ADD2: variants seen among roughly 807,000 people sequenced by gnomAD.
ADD2 encodes the protein adducin 2, also known as beta-adducin.
ADD2 carries 23 observed loss-of-function variants against 83.0 expected under a neutral mutation model. That is an observed-to-expected ratio of 0.28 (90% confidence interval 0.20 to 0.39). The LOEUF is 0.39. Ranked by LOEUF, ADD2 falls within the 10% of genes least tolerant of loss-of-function variation. The pLI, the probability that ADD2 is intolerant of heterozygous loss-of-function variation, is 1.00. For synonymous variants in ADD2, 375 were observed against 375.4 expected, an observed-to-expected ratio of 1.00 and a Z score of 0.01; for missense variants, 758 against 944.9, an observed-to-expected ratio of 0.80 and a Z score of 2.59.
At chr2:70,716,675 G>A (rs7571549) in intron 1 of ADD2, among the ~76,000 whole-genome samples, 60,667 of 151,768 alleles carry the variant, frequency 0.4, 14,129 homozygotes, top group African/African-American at 0.63. Flanking sequence ...CCAGCTTAAT[G>A]AAGCAGCCCT....
chr2:70,727,935 A>AT (rs1553378599), intron 1 of ADD2, among the ~76,000 whole-genome samples: 1 of 149,034 alleles, frequency 6.7e-6, no homozygotes, highest in Non-Finnish European at 1.5e-5. Context: ...AAATAAATAA[A>AT]ATGCAGAATT....
chr2:70,691,233 C>G (rs76211845), intron 7 of ADD2, among the ~76,000 whole-genome samples: 1 of 152,198 alleles, frequency 6.6e-6, no homozygotes. Context: ...CCACTCCCCC[C>G]ACCTCACACA....
chr2:70,728,341 A>G (rs148718402), intron 1 of ADD2, among the ~76,000 whole-genome samples: 269 of 152,314 alleles, frequency 1.8e-3, no homozygotes, highest in Middle Eastern at 0.017. Flanking sequence ...GGCCCTTAGC[A>G]TATACCCAAC....
chr2:70,688,652 G>T (rs538712872), intron 8 of ADD2, among the ~76,000 whole-genome samples: 106 of 152,288 alleles, frequency 7.0e-4, no homozygotes, highest in African/African-American at 2.5e-3. Flanking sequence ...ACAGAAACAG[G>T]TGAGTCACGT....
At chr2:70,695,596 G>T in intron 6 of ADD2, 125 bp downstream of exon 6, 1 of 812,620 alleles carries the variant, frequency 1.2e-6, no homozygotes, top group Non-Finnish European at 2.0e-6. Flanking sequence ...TGTCTTCTCT[G>T]CCCTATCAGA....
intron 15 of ADD2, 88 bp downstream of exon 15, chr2:70,672,789 TA>T (rs1553367332): frequency 5.6e-6 from 8 of 1,426,286 alleles, no homozygotes; most frequent in Non-Finnish European, 6.6e-6. Context: ...ATTTTCAGAT[TA>T]GGGGCAACAC....
chr2:70,696,207 A>T (rs782759082), intron 5 of ADD2, 38 bp downstream of exon 5: 2 of 1,596,918 alleles, frequency 1.3e-6, no homozygotes, highest in Non-Finnish European at 1.7e-6. Flanking sequence ...GTGGGACCAC[A>T]TGCAGTGCCC....
At chr2:70,716,489 C>A (rs1252256701) in intron 1 of ADD2, among the ~76,000 whole-genome samples, 1 of 152,190 alleles carries the variant, frequency 6.6e-6, no homozygotes, top group Non-Finnish European at 1.5e-5. Flanking sequence ...GCTTTCACAT[C>A]ACTTTTACTT....
At position 70,742,165 on chromosome 2, in the gene ADD2, C is replaced by T. The variant is rs187008629; in HGVS notation, c.-154+25721G>A. Among the ~76,000 whole-genome samples the T allele has an allele frequency of 2.4e-4, 37 of 152,270 alleles. 1 individual carries two copies. The highest frequency in any genetic ancestry group is 1.8e-3 in the Admixed American group (28 of 15,302). ...ATACCTTGTGCTAATTCTTCTTTTC[C>T]TTGACGTCAGAATAAAGCTTCCCTG... On this transcript the variant is annotated intron_variant, in intron 1 of 15. Transcript: ENST00000264436.
rs569485230 is a variant in ADD2 at position 70,676,445 on chromosome 2, C to A, written c.1593+351G>T. 1 of 1,240,952 alleles carries A rather than the reference C, an allele frequency of 8.1e-7. No homozygotes were observed. The highest frequency in any genetic ancestry group is 1.5e-5 in the African/African-American group (1 of 66,168). 76.9% of individuals were successfully genotyped at this position (1,240,952 alleles called of 1,614,324 possible). A position where few individuals can be genotyped will look rare whatever the true frequency, so the allele number is the denominator to read the frequency against. On this transcript the variant is annotated intron_variant, in intron 13 of 15. Coordinates refer to ENST00000264436, the MANE Select transcript of ADD2 (RefSeq NM_001617.4). The surrounding 1 kb of genome is among the most constrained non-coding windows in gnomAD (Gnocchi z 4.8). ...CTCAGGGCTGGGCACACCTGGGGCA[C>A]CTGGGAGTCTCCAGCCCCAAGCCTA...
chr2:70,751,664 T>G (rs1674510905), intron 1 of ADD2, among the ~76,000 whole-genome samples: 1 of 152,254 alleles, frequency 6.6e-6, no homozygotes, highest in East Asian at 1.9e-4. Context: ...GTTGCTTAAC[T>G]GCTCTTCTCC....
intron 15 of ADD2, 49 bp downstream of exon 15, chr2:70,672,829 T>G: frequency 6.4e-7 from 1 of 1,561,722 alleles, no homozygotes; most frequent in South Asian, 1.2e-5. Flanking sequence ...CTTCCCAGCC[T>G]GCAGATGCAC....
intron 13 of ADD2, 92 bp from the exon 14 acceptor site, chr2:70,674,917 C>T (rs573361178): frequency 2.3e-5 from 35 of 1,520,222 alleles, no homozygotes; most frequent in African/African-American, 8.3e-5. Context: ...TGGCTGCAAG[C>T]GGTCTTGCTA....
rs782199298 is a variant in ADD2, at chr2:70,706,219, C to G, written c.183+7G>C. 1.2e-6 allele frequency: 2 copies of G among 1,613,160 alleles called. No homozygotes were observed. Among genetic ancestry groups the G allele is most frequent in the East Asian group, 4.5e-5 (2 of 44,862 alleles). ...CGCCCTCTCCCGCCCGGGTCAGCCC[C>G]ACTCACGGGACTCTGCAGGATCATG... On this transcript the variant is annotated splice_region_variant and intron_variant, in intron 3 of 15. Transcript: ENST00000264436. The surrounding 1 kb of genome is among the most constrained non-coding windows in gnomAD (Gnocchi z 5.0).
At chr2:70,689,341 C>G (rs1490857039) in intron 8 of ADD2, among the ~76,000 whole-genome samples, 1 of 152,358 alleles carries the variant, frequency 6.6e-6, no homozygotes, top group East Asian at 1.9e-4. Flanking sequence ...TGACACCAGC[C>G]TGGGAGCTGG....
At position 70,722,707 on chromosome 2, in the gene ADD2, A is replaced by G. The variant is rs191243038; in HGVS notation, c.-153-9523T>C. Among the ~76,000 whole-genome samples, 10 of 152,304 alleles carry G rather than the reference A, an allele frequency of 6.6e-5. No homozygotes were observed. In the East Asian group the frequency reaches 1.9e-3, roughly 29 times the overall value. On this transcript the variant is annotated intron_variant, in intron 1 of 15. Transcript: ENST00000264436. ...GTTTTCACTCAGTGTATATCTCAGT[A>G]CCTCTGCTGAGGAAGCAACTTCCTG... is the stretch of plus-strand genomic sequence containing the variant.
At chr2:70,667,712 G>A (rs781961439) in intron 15 of ADD2, among the ~76,000 whole-genome samples, 2 of 148,606 alleles carry the variant, frequency 1.3e-5, no homozygotes, top group Admixed American at 1.3e-4. Flanking sequence ...TCTGCCTCCC[G>A]GGTTCAAGTG....
At chr2:70,761,550 G>A (rs1455074391) in intron 1 of ADD2, among the ~76,000 whole-genome samples, 1 of 137,390 alleles carries the variant, frequency 7.3e-6, no homozygotes, top group Non-Finnish European at 1.5e-5. Context: ...AGAGGTTGCA[G>A]TGAGATGAGA....
At chr2:70,664,940 G>A (rs1331161233) in intron 15 of ADD2, among the ~76,000 whole-genome samples, 1 of 151,972 alleles carries the variant, frequency 6.6e-6, no homozygotes, top group Non-Finnish European at 1.5e-5. Flanking sequence ...GTTTGTGTAA[G>A]TGTGTGTGAG....
Sources: gnomAD v4.1 joint callset for allele counts (sites outside exome capture counted in the v4.1 genomes callset) on GRCh38, gnomAD v4.1.1 for gene constraint, Gnocchi (gnomAD v3.1) non-coding constraint, MANE v1.5 for transcripts, NCBI Gene and HGNC (gene_info 2026-07-23, HGNC 2026-07-21) for gene names.